The following NRP2 variants were observed in gnomAD, a reference collection of about 807,000 sequenced individuals.
NRP2 encodes neuropilin-2.
In NRP2, 52 loss-of-function variants were observed where a neutral mutation model predicts 110.4. That is an observed-to-expected ratio of 0.47 (90% CI 0.38 to 0.59). The LOEUF (loss-of-function observed/expected upper bound fraction) is 0.59. Among genes scored for constraint, NRP2 ranks in the 20% least tolerant of loss-of-function variants. The pLI is 0.00. For synonymous variants in NRP2, 508 were observed against 468.9 expected, an observed-to-expected ratio of 1.08 and a Z score of -1.08; for missense variants, 1,049 against 1,203.0, an observed-to-expected ratio of 0.87 and a Z score of 1.89.
At chr2:205,745,974 GA>G in intron 10 of NRP2, 84 bp downstream of exon 10, 1 of 1,515,030 alleles carries the variant, frequency 6.6e-7, no homozygotes, top group Non-Finnish European at 9.1e-7. Context: ...GAGGGCTGTG[GA>G]GGGGGCAGCC....
chr2:205,759,336 A>G (rs1307900152), intron 12 of NRP2, among the ~76,000 whole-genome samples: 1 of 152,224 alleles, frequency 6.6e-6, no homozygotes. Context: ...TGACAGCAGG[A>G]AAACTTTAAA....
At chr2:205,711,338 T>C (rs904320881) in intron 2 of NRP2, among the ~76,000 whole-genome samples, 2 of 152,160 alleles carry the variant, frequency 1.3e-5, no homozygotes, top group Non-Finnish European at 2.9e-5. Flanking sequence ...AATAGGTATA[T>C]TGACAAGACC....
At chr2:205,780,000 G>A (rs111795882) in intron 15 of NRP2, among the ~76,000 whole-genome samples, 108 of 152,280 alleles carry the variant, frequency 7.1e-4, no homozygotes, top group Non-Finnish European at 1.0e-3. Context: ...GAGATTCCAC[G>A]AAATTTCTCT....
At chr2:205,728,268 G>A (rs1404813488) in intron 7 of NRP2, among the ~76,000 whole-genome samples, 2 of 152,210 alleles carry the variant, frequency 1.3e-5, no homozygotes, top group Non-Finnish European at 2.9e-5. Flanking sequence ...TGCATCTTGC[G>A]CAGCAGAGAG....
chr2:205,686,649 G>A lies in NRP2; in HGVS notation c.73+3286G>A, dbSNP rs756776204. On this transcript the variant is annotated intron_variant, in intron 1 of 16. Transcript: ENST00000357785. The surrounding 1 kb of genome is among the most constrained non-coding windows in gnomAD (Gnocchi z 4.7). The stretch of plus-strand genomic sequence containing the variant: ...TTTGGAATAGACTTGTCGCCCCTCT[G>A]GGAATCATCTGGGTTGGGGAACCTT... 4.6e-5 allele frequency among the ~76,000 whole-genome samples: 7 copies of A among 152,290 alleles called. No individual in the cohort carries two copies. The highest frequency in any genetic ancestry group is 2.1e-4 in the South Asian group (1 of 4,814).
intron 5 of NRP2, among the ~76,000 whole-genome samples, chr2:205,724,580 C>T (rs1365779431): frequency 6.6e-6 from 1 of 150,502 alleles, no homozygotes; most frequent in Non-Finnish European, 1.5e-5. Context: ...CACTGAGCAA[C>T]ATCTTCAAAT....
At chr2:205,755,626 G>A (rs1399345251) in intron 12 of NRP2, among the ~76,000 whole-genome samples, 18 of 151,396 alleles carry the variant, frequency 1.2e-4, no homozygotes, top group African/African-American at 3.6e-4. Context: ...AAAAAAAGGA[G>A]GGGGAGGCCC....
In NRP2 at chr2:205,765,615, C is replaced by T. The variant is rs2057902774; in HGVS notation, c.2404+45C>T. ...TTCATGGTTCTTTCAAATAAGACCC[C>T]AAGGGCTGGGATAAGCAAGAGGAGG... On this transcript the variant is annotated intron_variant, in intron 14 of 16. Coordinates refer to ENST00000357785, the MANE Select transcript of NRP2 (RefSeq NM_003872.3). 4 of 1,526,618 alleles carry T rather than the reference C, an allele frequency of 2.6e-6. No homozygotes were observed. In the African/African-American group the frequency reaches 4.1e-5, roughly 16 times the overall value. The allele number at this position is 1,526,618 out of a possible 1,614,324, so 94.6% of individuals were successfully genotyped here. A position where few individuals can be genotyped will look rare whatever the true frequency, so the allele number is the denominator to read the frequency against.
In NRP2 at chr2:205,743,310, C is replaced by T; in HGVS notation, c.1399C>T (p.Leu467=). The change falls in exon 9 of 17, where the codon CTG becomes TTG. Residue 467 remains leucine, a synonymous_variant. Coordinates refer to ENST00000357785, the MANE Select transcript of NRP2 (RefSeq NM_003872.3). ...CCTCTGGAGCCCCAGTGCAGCCCGCCTGGTTAGCAGCCGCTCGGGCTGGTT... is the reference window on the plus strand; with the variant it reads ...CCTCTGGAGCCCCAGTGCAGCCCGCTTGGTTAGCAGCCGCTCGGGCTGGTT... ...EYLWSPSAAR[L]VSSRSGWFPR... 1 of 1,614,194 alleles carries T rather than the reference C, an allele frequency of 6.2e-7. No homozygotes were observed. The highest frequency in any genetic ancestry group is 8.5e-7 in the Non-Finnish European group (1 of 1,180,004).
intron 15 of NRP2, among the ~76,000 whole-genome samples, chr2:205,770,286 C>T (rs948933543): frequency 1.5e-4 from 23 of 152,190 alleles, no homozygotes; most frequent in African/African-American, 5.6e-4. Flanking sequence ...CCCTAGGTGC[C>T]TTTCTGCAGT....
At chr2:205,712,165 CAAAT>C (rs1433992956) in intron 2 of NRP2, among the ~76,000 whole-genome samples, 2 of 151,764 alleles carry the variant, frequency 1.3e-5, no homozygotes, top group Non-Finnish European at 2.9e-5. Flanking sequence ...TGTGAGGAGA[CAAAT>C]AAAAAGGCAC....
chr2:205,687,390 G>A (rs936960512), intron 1 of NRP2, among the ~76,000 whole-genome samples: 2 of 151,968 alleles, frequency 1.3e-5, no homozygotes, highest in African/African-American at 4.8e-5. Flanking sequence ...CCTGCTCTGG[G>A]CTCTAGGGAT....
chr2:205,739,068 C>G (rs1209756619), intron 7 of NRP2, among the ~76,000 whole-genome samples: 1 of 152,150 alleles, frequency 6.6e-6, no homozygotes, highest in African/African-American at 2.4e-5. Flanking sequence ...GACTTCTGTG[C>G]TGCTCTTTGC....
chr2:205,746,126 G>A (rs766416095), intron 10 of NRP2, among the ~76,000 whole-genome samples: 2 of 152,122 alleles, frequency 1.3e-5, no homozygotes, highest in East Asian at 1.9e-4. Flanking sequence ...TCTCCAACCC[G>A]AGTCTCTCAA....
At chr2:205,721,249 A>G (rs12998705) in intron 3 of NRP2, among the ~76,000 whole-genome samples, 50,915 of 152,088 alleles carry the variant, frequency 0.33, 9,244 homozygotes, top group Middle Eastern at 0.44. Flanking sequence ...GCCCCAGAGG[A>G]CACTTCCTGA....
intron 9 of NRP2, 81 bp from the exon 10 acceptor site, chr2:205,745,662 GGGA>G (rs1427733950): frequency 2.0e-6 from 3 of 1,534,984 alleles, no homozygotes; most frequent in Non-Finnish European, 2.7e-6. Context: ...GTGCGGGGCA[GGGA>G]GGAGAAGGGG....
intron 1 of NRP2, among the ~76,000 whole-genome samples, chr2:205,690,393 TTGGAG>T (rs921548328): frequency 6.6e-5 from 10 of 151,686 alleles, no homozygotes; most frequent in African/African-American, 1.7e-4. Context: ...AGTGTGGGGG[TTGGAG>T]TGAAGGGGAC....
intron 15 of NRP2, chr2:205,776,890 G>A (rs2058109431): frequency 8.3e-7 from 1 of 1,204,560 alleles, no homozygotes; most frequent in Non-Finnish European, 1.0e-6. Flanking sequence ...CTCTCAGTGG[G>A]CAGTCTGCCA....
intron 7 of NRP2, among the ~76,000 whole-genome samples, chr2:205,729,916 C>T (rs2057203200): frequency 6.6e-6 from 1 of 152,176 alleles, no homozygotes; most frequent in African/African-American, 2.4e-5. Flanking sequence ...TTTAGTTCCC[C>T]AGCAGCCAAG....
Sources: gnomAD v4.1 joint callset for allele counts (sites outside exome capture counted in the v4.1 genomes callset) on GRCh38, gnomAD v4.1.1 for gene constraint, Gnocchi (gnomAD v3.1) non-coding constraint, MANE v1.5 for transcripts, NCBI Gene and HGNC (gene_info 2026-07-23, HGNC 2026-07-21) for gene names.